Variants in DPP6 observed in about 807,000 individuals in gnomAD.
DPP6 encodes the protein dipeptidyl peptidase like 6, also known as A-type potassium channel modulatory protein DPP6.
In DPP6, 69 loss-of-function variants were observed where a neutral mutation model predicts 122.6. That is an observed-to-expected ratio of 0.56 (90% CI 0.46 to 0.69). DPP6 has a LOEUF of 0.69. DPP6 is among the 30% of genes least tolerant of loss of function. The probability of loss-of-function intolerance (pLI) is 0.00; values close to 1 mark genes in which losing one functional copy is unlikely to be tolerated. For missense variants in DPP6, 928 were observed against 1,116.9 expected (o/e 0.83, Z 2.41); for synonymous variants, 418 against 433.1 (o/e 0.97, Z 0.43).
intron 1 of DPP6, among the ~76,000 whole-genome samples, chr7:153,956,716 C>CA (rs1563046843): frequency 6.6e-6 from 1 of 152,192 alleles, no homozygotes; most frequent in East Asian, 1.9e-4. Flanking sequence ...ATTTCTGAAG[C>CA]GGAACCCAGT....
At position 154,882,602 on chromosome 7, in the gene DPP6, C is replaced by T. The variant is rs145916106; in HGVS notation, c.2133+1660C>T. Among the ~76,000 whole-genome samples the T allele has an allele frequency of 2.4e-3, 372 of 152,258 alleles. 2 individuals are homozygous for T. The highest frequency in any genetic ancestry group is 7.8e-3 in the African/African-American group (325 of 41,550). On this transcript the variant is annotated intron_variant, in intron 21 of 25. Coordinates refer to ENST00000377770, the MANE Select transcript of DPP6 (RefSeq NM_130797.4). ...CAGAGCCCAGGGGAGCAGCAGCCACCCTGCACCCAGAGGTGACCTGGAGAG... is the reference window on the plus strand; with the variant it reads ...CAGAGCCCAGGGGAGCAGCAGCCACTCTGCACCCAGAGGTGACCTGGAGAG...
rs1823473034 is a variant in DPP6 at position 154,483,208 on chromosome 7, T to C, written c.457+8171T>C. Among the ~76,000 whole-genome samples, 1 of 151,714 alleles carries C rather than the reference T, an allele frequency of 6.6e-6. No individual in the cohort carries two copies. The highest frequency in any genetic ancestry group is 2.4e-5 in the African/African-American group (1 of 41,250). On this transcript the variant is annotated intron_variant, in intron 3 of 25. Transcript: ENST00000377770. The surrounding 1 kb of genome is among the most constrained non-coding windows in gnomAD (Gnocchi z 8.1). Reference sequence around the variant, plus strand: ...GGCAGGAGAAAATGCTCTAGGCGAGTTAGTGTGCTGCCGATTTTGTAACGG... The same window carrying C: ...GGCAGGAGAAAATGCTCTAGGCGAGCTAGTGTGCTGCCGATTTTGTAACGG...
rs745347912 is a variant in DPP6 at position 154,588,131 on chromosome 7, G to T, written c.627+21215G>T. ...GCACAGGCTTGTTCCTTCAACACTGGTGGAGAGAGACACGCTGTCATCAGG... is the reference window on the plus strand; with the variant it reads ...GCACAGGCTTGTTCCTTCAACACTGTTGGAGAGAGACACGCTGTCATCAGG... On this transcript the variant is annotated intron_variant, in intron 5 of 25. Transcript: ENST00000377770. 4.5e-6 allele frequency: 7 copies of T among 1,565,364 alleles called. No homozygotes were observed. The South Asian group carries it at 8.4e-5, about 19-fold the overall frequency.
chr7:154,716,718 T>C (rs554130439), intron 7 of DPP6, among the ~76,000 whole-genome samples: 47 of 148,870 alleles, frequency 3.2e-4, no homozygotes, highest in African/African-American at 1.1e-3. Flanking sequence ...TGAATGGTTT[T>C]CAAGATAGCT....
intron 8 of DPP6, among the ~76,000 whole-genome samples, chr7:154,748,226 G>A (rs1014425887): frequency 2.6e-5 from 4 of 152,154 alleles, no homozygotes; most frequent in East Asian, 1.9e-4. Context: ...GTTGGGAGTC[G>A]GCTTGCTCCT....
At chr7:154,577,006 G>A (rs1831724633) in intron 5 of DPP6, among the ~76,000 whole-genome samples, 1 of 152,164 alleles carries the variant, frequency 6.6e-6, no homozygotes, top group Non-Finnish European at 1.5e-5. Context: ...AGGGTAGAGT[G>A]GGGATATCAG....
intron 16 of DPP6, among the ~76,000 whole-genome samples, chr7:154,818,814 T>G (rs1236760999): frequency 6.6e-6 from 1 of 152,194 alleles, no homozygotes; most frequent in Non-Finnish European, 1.5e-5. Context: ...CCATTCCCTT[T>G]GAGGCTGCAT....
In DPP6 at chr7:154,065,989, C is replaced by T. The variant is rs971679083; in HGVS notation, c.243+12926C>T. Among the ~76,000 whole-genome samples, 79 of 151,840 alleles carry T rather than the reference C, an allele frequency of 5.2e-4. 2 individuals carry two copies. The highest frequency in any genetic ancestry group is 7.4e-5 in the Non-Finnish European group (5 of 67,952). Reference sequence around the variant, plus strand: ...GAGACCCTCACATTCTTCTAAGCCTCACCTTCATACTTCTGTGACTACTGA... The same window carrying T: ...GAGACCCTCACATTCTTCTAAGCCTTACCTTCATACTTCTGTGACTACTGA... On this transcript the variant is annotated intron_variant, in intron 1 of 25. Transcript: ENST00000377770.
chr7:153,770,051 A>G, the DPP6 span, among the ~76,000 whole-genome samples: 13 of 152,272 alleles, frequency 8.5e-5, no homozygotes, highest in East Asian at 1.7e-3. Flanking sequence ...GTGCAGAGAA[A>G]ACTTTCTCAA....
At chr7:154,785,165 T>C (rs1162334650) in intron 10 of DPP6, among the ~76,000 whole-genome samples, 2 of 152,236 alleles carry the variant, frequency 1.3e-5, no homozygotes, top group Non-Finnish European at 2.9e-5. Flanking sequence ...TAACTTTGCT[T>C]TTCTTTTTTA....
intron 16 of DPP6, chr7:154,838,667 T>C (rs1445864741): frequency 6.6e-6 from 1 of 152,208 alleles, no homozygotes; most frequent in East Asian, 1.9e-4. Context: ...TGCTGGCCCC[T>C]AAGGACGCAC....
intron 1 of DPP6, among the ~76,000 whole-genome samples, chr7:154,390,946 C>T (rs778995230): frequency 2.0e-5 from 3 of 152,130 alleles, no homozygotes; most frequent in Non-Finnish European, 2.9e-5. Flanking sequence ...AGGGTCCCAC[C>T]GTTTCTAACC....
chr7:154,490,321 G>A (rs573442612), intron 3 of DPP6, among the ~76,000 whole-genome samples: 1 of 152,150 alleles, frequency 6.6e-6, no homozygotes, highest in Admixed American at 6.5e-5. Context: ...CGGCTCCCTC[G>A]TGCTCTCTCA....
chr7:154,085,770 C>T (rs1585343494), intron 1 of DPP6, among the ~76,000 whole-genome samples: 1 of 152,134 alleles, frequency 6.6e-6, no homozygotes, highest in Non-Finnish European at 1.5e-5. Context: ...TACTGTCACC[C>T]AGGCTGGAAT....
At chr7:154,390,068 G>T (rs1814480701) in intron 1 of DPP6, among the ~76,000 whole-genome samples, 1 of 152,220 alleles carries the variant, frequency 6.6e-6, no homozygotes, top group Non-Finnish European at 1.5e-5. Flanking sequence ...TGGTATGAGT[G>T]TGGAAAGGAG....
chr7:153,950,398 T>C (rs1802155004), intron 1 of DPP6, among the ~76,000 whole-genome samples: 2 of 152,262 alleles, frequency 1.3e-5, no homozygotes, highest in East Asian at 3.9e-4. Flanking sequence ...AGCCTGGTTT[T>C]GAAGATCCCT....
chr7:154,540,417 T>G, intron 3 of DPP6, 115 bp from the exon 4 acceptor site: 1 of 700,318 alleles, frequency 1.4e-6, no homozygotes, highest in Non-Finnish European at 2.5e-6. Context: ...GTTTGATGAG[T>G]GGGAGCCTAT....
intron 5 of DPP6, among the ~76,000 whole-genome samples, chr7:154,592,379 A>G (rs1021222191): frequency 6.6e-6 from 1 of 152,204 alleles, no homozygotes; most frequent in Non-Finnish European, 1.5e-5. Context: ...CCTCCTGCCA[A>G]TACGCATCCG....
At chr7:154,715,703 C>T (rs1041651864) in intron 7 of DPP6, among the ~76,000 whole-genome samples, 8 of 152,170 alleles carry the variant, frequency 5.3e-5, no homozygotes, top group South Asian at 2.1e-4. Context: ...CTCAGCTGTA[C>T]GCTTTGCTCA....
Sources: allele counts gnomAD v4.1 joint callset (sites outside exome capture counted in the v4.1 genomes callset), GRCh38; gene constraint gnomAD v4.1.1; non-coding constraint Gnocchi (gnomAD v3.1); transcripts MANE v1.5; gene names NCBI Gene and HGNC (gene_info 2026-07-23, HGNC 2026-07-21).